The following KIRREL3 variants were observed in gnomAD, a reference collection of about 807,000 sequenced individuals.
KIRREL3 encodes kirre like nephrin family adhesion molecule 3.
Under a neutral mutation model 89.7 loss-of-function variants are expected in KIRREL3, and 36 were observed. The ratio of observed to expected loss-of-function variants is 0.40; its 90% CI spans 0.31 to 0.53. The LOEUF (loss-of-function observed/expected upper bound fraction) is 0.53. Among genes scored for constraint, KIRREL3 ranks in the 20% least tolerant of loss-of-function variants. KIRREL3 has a pLI of 0.49. For missense variants in KIRREL3, 864 were observed against 1,056.6 expected (o/e 0.82, Z 2.53); for synonymous variants, 445 against 441.4 (o/e 1.01, Z -0.10).
Position 126,952,776 on chromosome 11 carries a change from C to T in KIRREL3, c.55+47679G>A, listed in dbSNP as rs1328118058. Among the ~76,000 whole-genome samples the T allele has an allele frequency of 7.9e-5, 12 of 152,070 alleles. 1 individual carries two copies. Among genetic ancestry groups the T allele is most frequent in the South Asian group, 4.1e-4 (2 of 4,822 alleles). On this transcript the variant is annotated intron_variant, in intron 1 of 16. Transcript: ENST00000525144. ...GGTGTAAGGAAGGGATCCAAAACCACGATGAGATACCATCTCACGCCAGTT... is the reference window on the plus strand; with the variant it reads ...GGTGTAAGGAAGGGATCCAAAACCATGATGAGATACCATCTCACGCCAGTT...
Position 126,530,712 on chromosome 11 carries a change from C to T in KIRREL3, c.134-4025G>A, listed in dbSNP as rs562681879. Among the ~76,000 whole-genome samples the T allele has an allele frequency of 3.3e-5, 5 of 152,314 alleles. No homozygotes were observed. The highest frequency in any genetic ancestry group is 7.4e-5 in the Non-Finnish European group (5 of 68,024). ...TGCTCTCAGTGGAGATGTGACACACCCAGCACCTTCCACCGGCCCAGGGTT... is the reference window on the plus strand; with the variant it reads ...TGCTCTCAGTGGAGATGTGACACACTCAGCACCTTCCACCGGCCCAGGGTT... On this transcript the variant is annotated intron_variant, in intron 2 of 16. Transcript: ENST00000525144. The surrounding 1 kb of genome is among the most constrained non-coding windows in gnomAD (Gnocchi z 5.8).
chr11:126,849,635 G>A (rs1369792584), intron 1 of KIRREL3, among the ~76,000 whole-genome samples: 2 of 152,172 alleles, frequency 1.3e-5, no homozygotes, highest in African/African-American at 4.8e-5. Context: ...AAAGGCTTGG[G>A]CAACGCAGAG....
chr11:126,752,096 T>G lies in KIRREL3; in HGVS notation c.56-189184A>C, dbSNP rs901294435. ...AACTGAGTTGCTTCATCTCCTTGTG[T>G]GTCAGCTTTTTCTTTGCAAAATAGG... is the stretch of plus-strand genomic sequence containing the variant. On this transcript the variant is annotated intron_variant, in intron 1 of 16. Coordinates refer to ENST00000525144, the MANE Select transcript of KIRREL3 (RefSeq NM_032531.4). This position sits in a 1 kb window ranked among gnomAD's most constrained non-coding sequence, Gnocchi z 4.8. 2.0e-5 allele frequency among the ~76,000 whole-genome samples: 3 copies of G among 152,200 alleles called. No homozygotes were observed. Among genetic ancestry groups the G allele is most frequent in the African/African-American group, 7.2e-5 (3 of 41,446 alleles).
chr11:126,877,593 G>A lies in KIRREL3; in HGVS notation c.55+122862C>T, dbSNP rs531355982. 1.8e-4 allele frequency among the ~76,000 whole-genome samples: 27 copies of A among 152,256 alleles called. No individual in the cohort carries two copies. The South Asian group carries it at 4.8e-3, about 27-fold the overall frequency. ...TAAAATAATTCCAGAATCAATTGACGTAGATGAAAGCATTTTTGACTTGGC... is the reference window on the plus strand; with the variant it reads ...TAAAATAATTCCAGAATCAATTGACATAGATGAAAGCATTTTTGACTTGGC... On this transcript the variant is annotated intron_variant, in intron 1 of 16. Coordinates refer to ENST00000525144, the MANE Select transcript of KIRREL3 (RefSeq NM_032531.4). The surrounding 1 kb of genome is among the most constrained non-coding windows in gnomAD (Gnocchi z 4.9).
intron 1 of KIRREL3, among the ~76,000 whole-genome samples, chr11:126,910,314 CA>C (rs1946764613): frequency 6.6e-6 from 1 of 152,132 alleles, no homozygotes; most frequent in Admixed American, 6.5e-5. Flanking sequence ...AGCCAAGGTA[CA>C]GTGGGCTGGC....
rs937816317 is a variant in KIRREL3, at chr11:126,683,153, G to A, written c.56-120241C>T. 1.3e-5 allele frequency among the ~76,000 whole-genome samples: 2 copies of A among 152,232 alleles called. No homozygotes were observed. The highest frequency in any genetic ancestry group is 4.8e-5 in the African/African-American group (2 of 41,530). On this transcript the variant is annotated intron_variant, in intron 1 of 16. Transcript: ENST00000525144. This position sits in a 1 kb window ranked among gnomAD's most constrained non-coding sequence, Gnocchi z 5.2. ...TTACAAGCGTGAGCCACAGCACCGG[G>A]TTACTTTGTTACTCTTTAGGGGTAT...
intron 1 of KIRREL3, among the ~76,000 whole-genome samples, chr11:126,586,470 G>A (rs1941862843): frequency 6.6e-6 from 1 of 151,814 alleles, no homozygotes; most frequent in Non-Finnish European, 1.5e-5. Flanking sequence ...CTGCCTCTAA[G>A]CACATACCCC....
chr11:126,662,755 T>G (rs567322294), intron 1 of KIRREL3, among the ~76,000 whole-genome samples: 3 of 152,164 alleles, frequency 2.0e-5, no homozygotes, highest in African/African-American at 7.2e-5. Flanking sequence ...ATCCTAGCAG[T>G]TGGAGATAGC....
rs1346551245 is a variant in KIRREL3 at position 126,525,660 on chromosome 11, C to A, written c.283+878G>T. On this transcript the variant is annotated intron_variant, in intron 3 of 16. Transcript: ENST00000525144. This position sits in a 1 kb window ranked among gnomAD's most constrained non-coding sequence, Gnocchi z 5.4. Reference sequence around the variant, plus strand: ...ATAATATTTTTCTCTCCTCCTCCACCCTTAGCTATTCCCAAATCACAGGGG... The same window carrying A: ...ATAATATTTTTCTCTCCTCCTCCACACTTAGCTATTCCCAAATCACAGGGG... 2.6e-5 allele frequency among the ~76,000 whole-genome samples: 4 copies of A among 152,188 alleles called. No individual in the cohort carries two copies. The highest frequency in any genetic ancestry group is 5.9e-5 in the Non-Finnish European group (4 of 68,044).
rs541553185 is a variant in KIRREL3, at chr11:126,707,683, T to A, written c.56-144771A>T. On this transcript the variant is annotated intron_variant, in intron 1 of 16. Transcript: ENST00000525144. ...GTCAGTCCCGGATAGAATGCTTCCA[T>A]TTAAATTCTCATCTAACTCATTCTA... Among the ~76,000 whole-genome samples, 12 of 152,326 alleles carry A rather than the reference T, an allele frequency of 7.9e-5. No homozygotes were observed. In the South Asian group the frequency reaches 2.3e-3, roughly 29 times the overall value.
intron 1 of KIRREL3, among the ~76,000 whole-genome samples, chr11:126,770,493 C>G (rs1742063493): frequency 1.3e-5 from 2 of 152,176 alleles, no homozygotes; most frequent in Non-Finnish European, 2.9e-5. Context: ...TAATTGTCTG[C>G]AAATGGCAAT....
At chr11:126,613,871 CTTTTTTTTTT>C (rs5795506) in intron 1 of KIRREL3, among the ~76,000 whole-genome samples, 33,654 of 89,086 alleles carry the variant, frequency 0.38, 4,035 homozygotes, top group South Asian at 0.51. Context: ...AATACTGTTG[CTTTTTTTTTT>C]TTTTTTTTTT....
intron 1 of KIRREL3, among the ~76,000 whole-genome samples, chr11:126,926,756 T>C (rs969782299): frequency 1.3e-5 from 2 of 152,114 alleles, no homozygotes; most frequent in African/African-American, 4.8e-5. Context: ...ACCTCTGACG[T>C]TGGGTGGCTT....
At chr11:126,787,997 AT>A (rs1950531973) in intron 1 of KIRREL3, among the ~76,000 whole-genome samples, 1 of 152,048 alleles carries the variant, frequency 6.6e-6, no homozygotes, top group Non-Finnish European at 1.5e-5. Context: ...CATCACCCCC[AT>A]TTTACAGGCA....
chr11:126,454,277 G>C lies in KIRREL3; in HGVS notation c.848+2072C>G, dbSNP rs1338671522. Among the ~76,000 whole-genome samples, 1 of 152,092 alleles carries C rather than the reference G, an allele frequency of 6.6e-6. No homozygotes were observed. The highest frequency in any genetic ancestry group is 1.5e-5 in the Non-Finnish European group (1 of 68,014). On this transcript the variant is annotated intron_variant, in intron 7 of 16. Coordinates refer to ENST00000525144, the MANE Select transcript of KIRREL3 (RefSeq NM_032531.4). This position sits in a 1 kb window ranked among gnomAD's most constrained non-coding sequence, Gnocchi z 5.8. The stretch of plus-strand genomic sequence containing the variant: ...TGTCCGGGTCAGTAGGCAGGTGTGG[G>C]TGGGGGAGGCAGGCCTGGGGGTGGA...
Position 126,530,894 on chromosome 11 carries a change from G to A in KIRREL3, c.134-4207C>T, listed in dbSNP as rs960998338. Among the ~76,000 whole-genome samples the A allele has an allele frequency of 1.3e-5, 2 of 151,744 alleles. No homozygotes were observed. The highest frequency in any genetic ancestry group is 2.1e-4 in the South Asian group (1 of 4,796). ...TGCCCAGGCTGGAGTGCAGTGGTGC[G>A]ATCTCCGCTCATTGCAACCTTTGCC... On this transcript the variant is annotated intron_variant, in intron 2 of 16. Coordinates refer to ENST00000525144, the MANE Select transcript of KIRREL3 (RefSeq NM_032531.4). The surrounding 1 kb of genome is among the most constrained non-coding windows in gnomAD (Gnocchi z 5.8).
chr11:126,470,596 A>C (rs545600282), intron 5 of KIRREL3, among the ~76,000 whole-genome samples: 112 of 152,274 alleles, frequency 7.4e-4, no homozygotes, highest in African/African-American at 2.6e-3. Flanking sequence ...TTATCTTTCC[A>C]GGATTGCTTA....
intron 7 of KIRREL3, among the ~76,000 whole-genome samples, chr11:126,451,534 G>A (rs575192225): frequency 4.7e-4 from 71 of 151,076 alleles, no homozygotes; most frequent in African/African-American, 1.7e-3. Context: ...GGGTGCATGT[G>A]TGAGAGTGTG....
chr11:126,790,428 C>A (rs922488577), intron 1 of KIRREL3, among the ~76,000 whole-genome samples: 1 of 152,148 alleles, frequency 6.6e-6, no homozygotes, highest in African/African-American at 2.4e-5. Flanking sequence ...CGAAGTTAAC[C>A]TTCCTAACAC....
Sources: gnomAD v4.1 joint callset for allele counts (sites outside exome capture counted in the v4.1 genomes callset) on GRCh38, gnomAD v4.1.1 for gene constraint, Gnocchi (gnomAD v3.1) non-coding constraint, MANE v1.5 for transcripts, NCBI Gene and HGNC (gene_info 2026-07-23, HGNC 2026-07-21) for gene names.